The following NBPF12 variants were observed in gnomAD, a reference collection of about 807,000 sequenced individuals.
NBPF12 encodes NBPF family member NBPF12.
In NBPF12, 115 loss-of-function variants were observed where a neutral mutation model predicts 146.4. The ratio of observed to expected loss-of-function variants is 0.79; its 90% CI spans 0.68 to 0.92. The LOEUF is 0.92. Among genes scored for constraint, NBPF12 ranks in the 40% least tolerant of loss-of-function variants. The pLI is 0.00. For missense variants in NBPF12, 1,205 were observed against 1,326.8 expected (o/e 0.91, Z 1.43); for synonymous variants, 385 against 508.9 (o/e 0.76, Z 3.28).
intron 5 of NBPF12, among the ~76,000 whole-genome samples, chr1:146,962,761 A>G (rs1415005539): frequency 3.3e-4 from 49 of 148,432 alleles, no homozygotes; most frequent in African/African-American, 1.2e-3. Context: ...AAGATGCACT[A>G]TGTGTATTTT....
At chr1:146,952,952 T>C (rs1256996111) in intron 2 of NBPF12, among the ~76,000 whole-genome samples, 1 of 150,574 alleles carries the variant, frequency 6.6e-6, no homozygotes, top group Non-Finnish European at 1.5e-5. Context: ...TTTGTTCCTT[T>C]AGCTCCCACC....
At chr1:146,986,565 CT>C in intron 24 of NBPF12, 41 bp downstream of exon 27, 1 of 863,692 alleles carries the variant, frequency 1.2e-6, no homozygotes, top group Non-Finnish European at 2.0e-6. Context: ...TCCACCTGGC[CT>C]TCCAGATAGG....
intron 4 of NBPF12, among the ~76,000 whole-genome samples, chr1:146,960,719 G>T (rs1357425093): frequency 6.6e-6 from 1 of 151,894 alleles, no homozygotes; most frequent in Non-Finnish European, 1.5e-5. Flanking sequence ...TTTCTGTTGA[G>T]GCCCAACAGG....
chr1:146,968,577 G>C lies in NBPF12; in HGVS notation c.1091+27G>C, dbSNP rs1553885934. 38 of 1,550,568 alleles carry C rather than the reference G, an allele frequency of 2.5e-5. 2 individuals carry two copies. In the South Asian group the frequency reaches 3.4e-4, roughly 14 times the overall value. ...TGAGGGGACCCCATGGGGGCAGGCA[G>C]GGGGGCAGGTGTGTAAATCTCTGAA... On this transcript the variant is annotated intron_variant, in intron 10 of 33. Coordinates refer to ENST00000617844, the Ensembl canonical transcript of NBPF12.
chr1:146,980,658 T>C (rs1657313451), intron 19 of NBPF12, among the ~76,000 whole-genome samples: 1 of 152,032 alleles, frequency 6.6e-6, no homozygotes, highest in African/African-American at 2.4e-5. Context: ...TGTGGAGAAA[T>C]CGAACACTTT....
chr1:146,951,224 C>T (rs1490152719), intron 1 of NBPF12, 124 bp from the exon 5 acceptor site: 4 of 636,042 alleles, frequency 6.3e-6, no homozygotes, highest in East Asian at 5.5e-5. Flanking sequence ...GAGCTTCTCT[C>T]AGGCCACACA....
chr1:146,984,715 T>C (rs1272195117), intron 21 of NBPF12, 98 bp from the exon 25 acceptor site: 25 of 804,622 alleles, frequency 3.1e-5, no homozygotes, highest in Non-Finnish European at 5.1e-5. Flanking sequence ...GTCCTTTTTC[T>C]TTTCAAACTC....
At chr1:146,957,946 A>G (rs1388907458) in intron 2 of NBPF12, among the ~76,000 whole-genome samples, 2 of 114,116 alleles carry the variant, frequency 1.8e-5, no homozygotes, top group East Asian at 3.2e-4. Flanking sequence ...GTGTGTGTAT[A>G]TATATTTTAT....
chr1:146,975,577 G>A (rs1379667834), intron 15 of NBPF12, 100 bp from the exon 19 acceptor site: 3 of 600,846 alleles, frequency 5.0e-6, no homozygotes, highest in Non-Finnish European at 8.8e-6. Context: ...TCTGCTTGGA[G>A]GTCTCCTTGA....
intron 1 of NBPF12, among the ~76,000 whole-genome samples, chr1:146,940,635 T>C (rs1253527962): frequency 6.6e-6 from 1 of 151,856 alleles, no homozygotes; most frequent in Non-Finnish European, 1.5e-5. Flanking sequence ...ATTACTATAT[T>C]GGGGTATATA....
At chr1:146,974,066 C>T (rs1559524784) in intron 14 of NBPF12, among the ~76,000 whole-genome samples, 1 of 150,706 alleles carries the variant, frequency 6.6e-6, no homozygotes, top group Non-Finnish European at 1.5e-5. Flanking sequence ...CAATGAATTA[C>T]ATCAGCTATT....
intron 1 of NBPF12, 101 bp downstream of exon 1, chr1:146,939,113 CGGGCTCCGCA>C (rs1487996744): frequency 2.6e-5 from 4 of 152,160 alleles, no homozygotes; most frequent in African/African-American, 9.7e-5. Flanking sequence ...CGGGCACTGC[CGGGCTCCGCA>C]GGGCTCCGCC....
At position 146,949,392 on chromosome 1, in the gene NBPF12, G is replaced by A. The variant is rs1219496116; in HGVS notation, c.-356G>A. On this transcript the variant is annotated 5_prime_UTR_variant, in exon 1 of 34. In the 5' UTR this introduces an upstream ATG that the reference lacks. Coordinates refer to ENST00000617844, the Ensembl canonical transcript of NBPF12. Reference sequence around the variant, plus strand: ...AAATACCCCTCATTGTCTTCTTCAGGTGGCAAGGGCTCTGGAACAGCCACA... The same window carrying A: ...AAATACCCCTCATTGTCTTCTTCAGATGGCAAGGGCTCTGGAACAGCCACA... 1 of 137,386 alleles carries A rather than the reference G, an allele frequency of 7.3e-6. No individual in the cohort carries two copies. The highest frequency in any genetic ancestry group is 7.3e-5 in the Admixed American group (1 of 13,618). The allele number at this position is 137,386 out of a possible 1,614,324, so 8.5% of individuals were successfully genotyped here.
chr1:146,978,061 G>A (rs1277112358), intron 18 of NBPF12, among the ~76,000 whole-genome samples: 26 of 151,520 alleles, frequency 1.7e-4, no homozygotes, highest in Non-Finnish European at 3.2e-4. Context: ...TGGAAACATT[G>A]TTCCCCAGGC....
Position 146,954,483 on chromosome 1 carries a change from A to G in NBPF12, c.-184+2994A>G, listed in dbSNP as rs1553884171. 1.5e-3 allele frequency among the ~76,000 whole-genome samples: 225 copies of G among 147,226 alleles called. 2 individuals are homozygous for G. Among genetic ancestry groups the G allele is most frequent in the African/African-American group, 5.2e-3 (209 of 40,026 alleles). On this transcript the variant is annotated intron_variant, in intron 2 of 33. Coordinates refer to ENST00000617844, the Ensembl canonical transcript of NBPF12. ...CAAAAAATTGCTTTGAGAAATTATG[A>G]AAGAACTAAATTAGTGGGGAGATAA...
exon 34 of NBPF12, chr1:146,994,836 T>C (rs1419561846): frequency 1.2e-5 from 8 of 682,762 alleles, no homozygotes; most frequent in East Asian, 9.9e-5. Context: ...ATTTGAACCA[T>C]GTATCTCTGG....
chr1:146,963,361 T>A, intron 6 of NBPF12, 52 bp downstream of exon 9: 7 of 1,587,532 alleles, frequency 4.4e-6, no homozygotes, highest in Non-Finnish European at 6.0e-6. Flanking sequence ...TATGAGAGGC[T>A]CCAGACCTCC....
chr1:146,941,475 G>A (rs1231201535), intron 1 of NBPF12, among the ~76,000 whole-genome samples: 1 of 148,208 alleles, frequency 6.7e-6, no homozygotes, highest in African/African-American at 2.5e-5. Flanking sequence ...TCAATGCCTG[G>A]CCAGGTGCGG....
chr1:146,976,398 T>C (rs1483138269), intron 16 of NBPF12, among the ~76,000 whole-genome samples: 2 of 131,080 alleles, frequency 1.5e-5, no homozygotes, highest in Non-Finnish European at 3.1e-5. Flanking sequence ...CTCCGTGTGG[T>C]GTTGGAGAAG....
Sources: allele counts gnomAD v4.1 joint callset (sites outside exome capture counted in the v4.1 genomes callset), GRCh38; gene constraint gnomAD v4.1.1; transcripts MANE v1.5; gene names NCBI Gene and HGNC (gene_info 2026-07-23, HGNC 2026-07-21).